Variants in PHF24 observed in about 807,000 individuals in gnomAD.
PHF24 encodes the protein PHD finger protein 24, also known as Galpha inhibitory interacting protein.
In PHF24, 25 loss-of-function variants were observed where a neutral mutation model predicts 42.6. The ratio of observed to expected loss-of-function variants is 0.59; its 90% CI spans 0.43 to 0.82. The LOEUF is 0.82. PHF24 is among the 40% of genes least tolerant of loss of function. The pLI, the probability that PHF24 is intolerant of heterozygous loss-of-function variation, is 0.00. For missense variants in PHF24, 470 were observed against 538.1 expected, an observed-to-expected ratio of 0.87 and a Z score of 1.25; for synonymous variants, 185 against 204.8, an observed-to-expected ratio of 0.90 and a Z score of 0.83.
At chr9:34,940,402 A>AT in the PHF24 span, among the ~76,000 whole-genome samples, 154 of 126,938 alleles carry the variant, frequency 1.2e-3, no homozygotes, top group Non-Finnish European at 2.0e-3. Flanking sequence ...TGTTTTCTCT[A>AT]AAAAAAAAAA....
chr9:34,908,092 C>T, the PHF24 span, among the ~76,000 whole-genome samples: 6 of 152,148 alleles, frequency 3.9e-5, no homozygotes, highest in African/African-American at 1.4e-4. Flanking sequence ...CTGCCCGCCT[C>T]GGCCTCCCAA....
chr9:34,971,560 G>C, exon 2 of PHF24: 1 of 1,614,152 alleles, frequency 6.2e-7, no homozygotes, highest in Non-Finnish European at 8.5e-7. Flanking sequence ...TGGGCGCGGC[G>C]TGGAGCCTGA....
At chr9:34,845,998 A>G in the PHF24 span, among the ~76,000 whole-genome samples, 2 of 152,054 alleles carry the variant, frequency 1.3e-5, no homozygotes, top group Admixed American at 6.6e-5. Flanking sequence ...CCAGTCTATC[A>G]TTGTTGGACA....
rs73497320 is a variant in PHF24 at position 34,971,913 on chromosome 9, C to A, written c.378+237C>A. Among the ~76,000 whole-genome samples the A allele has an allele frequency of 4.6e-3, 695 of 152,272 alleles. 4 individuals carry two copies. The highest frequency in any genetic ancestry group is 0.016 in the African/African-American group (658 of 41,552). On this transcript the variant is annotated intron_variant, in intron 2 of 7. Coordinates refer to ENST00000242315, the Ensembl canonical transcript of PHF24. ...CTGTGGCAGGTCTTCTGTCGAACCT[C>A]CCCCTCTTCCCCGCTGCCATGGGTT...
chr9:34,897,313 T>C, the PHF24 span, among the ~76,000 whole-genome samples: 1 of 152,218 alleles, frequency 6.6e-6, no homozygotes, highest in Admixed American at 6.5e-5. Flanking sequence ...GCCTACCTGC[T>C]TTCAAGATTC....
chr9:34,802,898 C>G, the PHF24 span, among the ~76,000 whole-genome samples: 2 of 152,150 alleles, frequency 1.3e-5, no homozygotes, highest in Non-Finnish European at 2.9e-5. Flanking sequence ...CCTTCCCAAA[C>G]GGGTTTTGAG....
the PHF24 span, among the ~76,000 whole-genome samples, chr9:34,951,300 C>T: frequency 4.6e-5 from 7 of 152,110 alleles, no homozygotes; most frequent in Non-Finnish European, 1.0e-4. Context: ...ATCCTCAGGA[C>T]TTGTGAATAT....
the PHF24 span, among the ~76,000 whole-genome samples, chr9:34,694,289 C>T: frequency 6.6e-6 from 1 of 150,754 alleles, no homozygotes; most frequent in Non-Finnish European, 1.5e-5. Flanking sequence ...CTTGCCTCAG[C>T]CACCCGAGTA....
chr9:34,844,986 A>G, the PHF24 span, among the ~76,000 whole-genome samples: 1 of 152,200 alleles, frequency 6.6e-6, no homozygotes, highest in Non-Finnish European at 1.5e-5. Flanking sequence ...TATTTGCTTT[A>G]TATATTTAGG....
At chr9:34,900,312 G>A in the PHF24 span, among the ~76,000 whole-genome samples, 70 of 152,306 alleles carry the variant, frequency 4.6e-4, no homozygotes, top group Non-Finnish European at 8.1e-4. Flanking sequence ...ATCAATTAAT[G>A]TGAAGGCCAA....
the PHF24 span, among the ~76,000 whole-genome samples, chr9:34,926,631 T>G: frequency 0.21 from 31,487 of 152,030 alleles, 3,740 homozygotes; most frequent in East Asian, 0.58. The surrounding 1 kb of genome is among the most constrained non-coding windows in gnomAD (Gnocchi z 4.3). Flanking sequence ...GGGCTGTTTT[T>G]GGGGCCTGAG....
Position 34,977,077 on chromosome 9 carries a change from C to A in PHF24, c.850-6C>A, listed in dbSNP as rs772829113. On this transcript the variant is annotated splice_polypyrimidine_tract_variant and splice_region_variant and intron_variant, in intron 5 of 7. Coordinates refer to ENST00000242315, the Ensembl canonical transcript of PHF24. ...CACCTCTAAGATCTTGTCTCTTCTT[C>A]CCCAGAACTCTCTGTTGAGGCTTCT... The A allele has an allele frequency of 1.3e-6, 2 of 1,585,206 alleles. No individual in the cohort carries two copies. Among genetic ancestry groups the A allele is most frequent in the East Asian group, 4.5e-5 (2 of 44,416 alleles).
the PHF24 span, chr9:34,726,982 G>A: frequency 1.3e-6 from 2 of 1,545,560 alleles, no homozygotes; most frequent in Non-Finnish European, 1.8e-6. Context: ...GAGGAAGCCA[G>A]CCCTGGCTAG....
chr9:34,967,176 GA>G (rs1450892189), intron 1 of PHF24, among the ~76,000 whole-genome samples: 1 of 152,188 alleles, frequency 6.6e-6, no homozygotes, highest in Admixed American at 6.5e-5. Context: ...ACTCCTAAGA[GA>G]AGCTTGAATA....
the PHF24 span, among the ~76,000 whole-genome samples, chr9:34,730,225 A>G: frequency 9.3e-5 from 14 of 151,228 alleles, no homozygotes; most frequent in African/African-American, 2.2e-4. Flanking sequence ...TTGTTTGTTT[A>G]TTTTTCTCAA....
chr9:34,965,493 G>A (rs1319111559), intron 1 of PHF24, among the ~76,000 whole-genome samples: 3 of 152,270 alleles, frequency 2.0e-5, no homozygotes, highest in Admixed American at 6.5e-5. Context: ...CCAAGAGCCT[G>A]TGCTTAGGAC....
At chr9:34,931,906 C>T in the PHF24 span, among the ~76,000 whole-genome samples, 2 of 152,210 alleles carry the variant, frequency 1.3e-5, no homozygotes, top group Non-Finnish European at 2.9e-5. Context: ...AATCCTGAGC[C>T]TGTAGAATGT....
At chr9:34,941,377 G>A in the PHF24 span, among the ~76,000 whole-genome samples, 1 of 152,170 alleles carries the variant, frequency 6.6e-6, no homozygotes, top group African/African-American at 2.4e-5. Flanking sequence ...ACTGGGAAGT[G>A]GGTCTCATGT....
At chr9:34,727,214 T>C in the PHF24 span, among the ~76,000 whole-genome samples, 3 of 152,346 alleles carry the variant, frequency 2.0e-5, no homozygotes, top group Non-Finnish European at 2.9e-5. Flanking sequence ...AGACAACCCA[T>C]GGGAGGGCAT....
Sources: allele counts gnomAD v4.1 joint callset (sites outside exome capture counted in the v4.1 genomes callset), GRCh38; gene constraint gnomAD v4.1.1; non-coding constraint Gnocchi (gnomAD v3.1); transcripts MANE v1.5; gene names NCBI Gene and HGNC (gene_info 2026-07-23, HGNC 2026-07-21).